The following TBL3 variants were observed in gnomAD, a reference collection of about 807,000 sequenced individuals.
The protein encoded by TBL3 is transducin beta like 3.
A neutral mutation model predicts 102.7 loss-of-function variants in TBL3; 71 were observed. That is an observed-to-expected ratio of 0.69 (90% CI 0.57 to 0.84). The LOEUF (loss-of-function observed/expected upper bound fraction) is 0.84, where lower values mean the gene tolerates loss of function less well. Ranked by LOEUF, TBL3 falls within the 40% of genes least tolerant of loss-of-function variation. TBL3 has a pLI of 0.00. For synonymous variants in TBL3, 578 were observed against 477.7 expected, an observed-to-expected ratio of 1.21 and a Z score of -2.74; for missense variants, 1,188 against 1,098.5, an observed-to-expected ratio of 1.08 and a Z score of -1.15.
In TBL3 at chr16:1,974,413, C is replaced by T. The variant is rs752666409; in HGVS notation, c.227C>T (p.Pro76Leu). The T allele has an allele frequency of 1.9e-6, 3 of 1,610,172 alleles. No homozygotes were observed. The African/African-American group carries it at 4.0e-5, about 22-fold the overall frequency. The change falls in exon 4 of 22, where the codon CCT (proline) becomes CTT (leucine). Residue 76 changes from proline (P) to leucine (L), a missense_variant. Coordinates refer to ENST00000568546, the MANE Select transcript of TBL3 (RefSeq NM_006453.3). Reference sequence around the variant, plus strand: ...GACATCACTGCCTTTGACCTCAGCCCTGACAACGAGGTATGTGGGGCGGGG... The same window carrying T: ...GACATCACTGCCTTTGACCTCAGCCTTGACAACGAGGTATGTGGGGCGGGG... ...QEDITAFDLS[P>L]DNEVLVTASR...
At position 1,979,485 on chromosome 16, in the gene TBL3, A is replaced by T. The variant is rs2083453230; in HGVS notation, c.*800A>T. On this transcript the variant is annotated 3_prime_UTR_variant, in exon 22 of 22. Coordinates refer to ENST00000568546, the MANE Select transcript of TBL3 (RefSeq NM_006453.3). ...CACGCGCACGCGCGCCCCCGCGGGC[A>T]CGGACAGCTCATCTGCGCGGCTGCT... is the stretch of plus-strand genomic sequence containing the variant. 6.2e-7 allele frequency: 1 copy of T among 1,611,858 alleles called. No homozygotes were observed. The highest frequency in any genetic ancestry group is 8.5e-7 in the Non-Finnish European group (1 of 1,179,564).
chr16:1,978,760 C>T lies in TBL3; in HGVS notation c.*75C>T. On this transcript the variant is annotated 3_prime_UTR_variant, in exon 22 of 22. Transcript: ENST00000568546. ...AGGCCGCTCTCCTGGCCGGCTCTGTCTCTCTGGACTGCAGTCCAGCCCCCC... is the reference window on the plus strand; with the variant it reads ...AGGCCGCTCTCCTGGCCGGCTCTGTTTCTCTGGACTGCAGTCCAGCCCCCC... The T allele has an allele frequency of 1.3e-6, 2 of 1,539,598 alleles. No individual in the cohort carries two copies. Among genetic ancestry groups the T allele is most frequent in the South Asian group, 1.2e-5 (1 of 83,076 alleles).
chr16:1,980,104 G>A lies in TBL3; in HGVS notation c.*1419G>A, dbSNP rs1262722917. ...GGGCTGCAGGCAGCGCAGGCTCTGA[G>A]CCTCCAGACTGTGGATGGAGAGGCG... On this transcript the variant is annotated 3_prime_UTR_variant, in exon 22 of 22. Transcript: ENST00000568546. 1.2e-6 allele frequency: 2 copies of A among 1,608,202 alleles called. No individual in the cohort carries two copies. The highest frequency in any genetic ancestry group is 1.7e-6 in the Non-Finnish European group (2 of 1,178,864).
Position 1,981,060 on chromosome 16 carries a change from C to T in TBL3, c.*2375C>T, listed in dbSNP as rs1051919300. On this transcript the variant is annotated 3_prime_UTR_variant, in exon 22 of 22. Coordinates refer to ENST00000568546, the MANE Select transcript of TBL3 (RefSeq NM_006453.3). ...TTGGGAGTGCCGTGGAGGTGCTGGTCCAGGCACCCCCTTCCTATCCCTTGG... is the reference window on the plus strand; with the variant it reads ...TTGGGAGTGCCGTGGAGGTGCTGGTTCAGGCACCCCCTTCCTATCCCTTGG... The T allele has an allele frequency of 7.5e-6, 12 of 1,609,404 alleles. No homozygotes were observed. The highest frequency in any genetic ancestry group is 1.0e-5 in the Non-Finnish European group (12 of 1,176,508).
chr16:1,972,415 G>T (rs1234654978), intron 1 of TBL3, among the ~76,000 whole-genome samples: 2 of 152,230 alleles, frequency 1.3e-5, no homozygotes, highest in African/African-American at 4.8e-5. Flanking sequence ...GAGCCCGGCC[G>T]CCGGGAGCAG....
Position 1,977,436 on chromosome 16 carries a change from C to T in TBL3, c.1742+10C>T, listed in dbSNP as rs778820130. ...CGCAGCTGCTGTCCAGGTGAGTGGGCTGGGGTGGGGCAGCGATGGAGTGGG... is the reference window on the plus strand; with the variant it reads ...CGCAGCTGCTGTCCAGGTGAGTGGGTTGGGGTGGGGCAGCGATGGAGTGGG... On this transcript the variant is annotated intron_variant, in intron 16 of 21. Transcript: ENST00000568546. 1.6e-5 allele frequency: 20 copies of T among 1,216,440 alleles called. No homozygotes were observed. Among genetic ancestry groups the T allele is most frequent in the Non-Finnish European group, 2.3e-5 (20 of 880,498 alleles). 75.4% of individuals were successfully genotyped at this position (1,216,440 alleles called of 1,614,324 possible).
chr16:1,976,786 T>C, intron 13 of TBL3, 28 bp from the exon 14 acceptor site: 2 of 1,611,324 alleles, frequency 1.2e-6, no homozygotes, highest in East Asian at 2.2e-5. Context: ...GGCTCAGCTG[T>C]GTCTCCTCCT....
At position 1,979,642 on chromosome 16, in the gene TBL3, G is replaced by C. The variant is rs746836254; in HGVS notation, c.*957G>C. 6 of 1,293,532 alleles carry C rather than the reference G, an allele frequency of 4.6e-6. No individual in the cohort carries two copies. In the African/African-American group the frequency reaches 8.8e-5, roughly 19 times the overall value. 80.1% of individuals were successfully genotyped at this position (1,293,532 alleles called of 1,614,324 possible). On this transcript the variant is annotated 3_prime_UTR_variant, in exon 22 of 22. Transcript: ENST00000568546. ...TCCTTGCTTGAGTCTGCTGACGGCG[G>C]GGCCGCTCTAAGACCGGTTCGGGGC...
In TBL3 at chr16:1,972,338, C is replaced by G. The variant is rs1313714315; in HGVS notation, c.41+133C>G. ...CTGTGTGTGCGCCGGCCCGCGGGGT[C>G]GCGGAGGCTGCGGTGATACTAGGCG... On this transcript the variant is annotated intron_variant, in intron 1 of 21. Coordinates refer to ENST00000568546, the MANE Select transcript of TBL3 (RefSeq NM_006453.3). 3.9e-5 allele frequency: 40 copies of G among 1,023,396 alleles called. No individual in the cohort carries two copies. The East Asian group carries it at 1.3e-3, about 33-fold the overall frequency. 63.4% of individuals were successfully genotyped at this position (1,023,396 alleles called of 1,614,324 possible). A position where few individuals can be genotyped will look rare whatever the true frequency, so the allele number is the denominator to read the frequency against.
chr16:1,979,686 C>G lies in TBL3; in HGVS notation c.*1001C>G. ...TCGGGGCTTCCTCTAGGTGCGGAGA[C>G]CAAGCACGGGCTCCTGGCCCGCCCT... On this transcript the variant is annotated 3_prime_UTR_variant, in exon 22 of 22. Coordinates refer to ENST00000568546, the MANE Select transcript of TBL3 (RefSeq NM_006453.3). 2 of 1,196,418 alleles carry G rather than the reference C, an allele frequency of 1.7e-6. No individual in the cohort carries two copies. Among genetic ancestry groups the G allele is most frequent in the Non-Finnish European group, 2.3e-6 (2 of 863,590 alleles). 74.1% of individuals were successfully genotyped at this position (1,196,418 alleles called of 1,614,324 possible).
rs766150428 is a variant in TBL3, at chr16:1,975,513, G to A, written c.806-16G>A. ...TGGACCTGAGAGTCTCAGCAGCCCT[G>A]TCCCCACCCACACAGGCACTCTGCG... On this transcript the variant is annotated splice_polypyrimidine_tract_variant and intron_variant, in intron 9 of 21. Transcript: ENST00000568546. The A allele has an allele frequency of 6.3e-7, 1 of 1,598,946 alleles. No individual in the cohort carries two copies. The highest frequency in any genetic ancestry group is 8.5e-7 in the Non-Finnish European group (1 of 1,174,982).
chr16:1,975,011 A>C lies in TBL3; in HGVS notation c.548A>C (p.Gln183Pro), dbSNP rs776734239. The change falls in exon 7 of 22, where the codon CAG becomes CCG. Residue 183 changes from glutamine (Q) to proline (P), a missense_variant. By Grantham distance (76) the Gln-to-Pro change is moderately conservative. Coordinates refer to ENST00000568546, the MANE Select transcript of TBL3 (RefSeq NM_006453.3). Reference sequence around the variant, plus strand: ...GCCGCCATCCGCGTGTGGTCACTGCAGGACCGGTCATGCCTGGCTGTGCTG... The same window carrying C: ...GCCGCCATCCGCGTGTGGTCACTGCCGGACCGGTCATGCCTGGCTGTGCTG... The part of the protein sequence containing the change: ...TDAAIRVWSL[Q>P]DRSCLAVLTA... 5.2e-5 allele frequency: 83 copies of C among 1,607,120 alleles called. No homozygotes were observed. Among genetic ancestry groups the C allele is most frequent in the Non-Finnish European group, 6.8e-5 (80 of 1,179,976 alleles).
Position 1,977,629 on chromosome 16 carries a change from G to A in TBL3, c.1858G>A (p.Ala620Thr), listed in dbSNP as rs779820736. The change falls in exon 17 of 22, where the codon GCC (alanine) becomes ACC (threonine). Residue 620 changes from alanine to threonine, a missense_variant. Transcript: ENST00000568546. ...GLHCSRLDDH[A>T]LTGASDSRVI... ...GCACTGCAGCCGGCTGGACGACCACGCCCTCACTGGGGCCAGTGACTCCCG... is the reference window on the plus strand; with the variant it reads ...GCACTGCAGCCGGCTGGACGACCACACCCTCACTGGGGCCAGTGACTCCCG... 6.8e-5 allele frequency: 106 copies of A among 1,553,644 alleles called. No individual in the cohort carries two copies. Among genetic ancestry groups the A allele is most frequent in the Middle Eastern group, 1.7e-4 (1 of 6,014 alleles).
Position 1,977,910 on chromosome 16 carries a change from G to A in TBL3, c.1959-48G>A, listed in dbSNP as rs574575036. 1.2e-5 allele frequency: 19 copies of A among 1,592,040 alleles called. No homozygotes were observed. In the East Asian group the frequency reaches 3.6e-4, roughly 30 times the overall value. On this transcript the variant is annotated intron_variant, in intron 18 of 21. Coordinates refer to ENST00000568546, the MANE Select transcript of TBL3 (RefSeq NM_006453.3). ...CCTGCTGACTCCGATGGCTCTGCCT[G>A]CAGCCCCAGCCAGCGGCCCTCAGTG... is the stretch of plus-strand genomic sequence containing the variant.
At position 1,979,297 on chromosome 16, in the gene TBL3, G is replaced by GCC; in HGVS notation, c.*614_*615dup. ...CCCGTCCCGCTCAGGAGAGCGCCCA[G>GCC]CCCTTCCGGCCGCAGCAGCACCGCG... On this transcript the variant is annotated 3_prime_UTR_variant, in exon 22 of 22. Transcript: ENST00000568546. 1 of 1,564,382 alleles carries GCC rather than the reference G, an allele frequency of 6.4e-7. No homozygotes were observed. The highest frequency in any genetic ancestry group is 8.6e-7 in the Non-Finnish European group (1 of 1,162,790).
chr16:1,977,473 G>A (rs2083412884), intron 16 of TBL3, 41 bp from the exon 17 acceptor site: 3 of 1,608,542 alleles, frequency 1.9e-6, no homozygotes, highest in South Asian at 1.1e-5. Context: ...GGTGGCGGGG[G>A]GACCTGCCTG....
Position 1,981,198 on chromosome 16 carries a change from G to A in TBL3, c.*2513G>A. 1 of 1,613,398 alleles carries A rather than the reference G, an allele frequency of 6.2e-7. No homozygotes were observed. The highest frequency in any genetic ancestry group is 8.5e-7 in the Non-Finnish European group (1 of 1,179,982). ...CTGCCATGGCTGTGGCTTCCAGGCT[G>A]CAGATTCCTGAAATGGGCGAGGACC... On this transcript the variant is annotated 3_prime_UTR_variant, in exon 22 of 22. Transcript: ENST00000568546.
At position 1,976,875 on chromosome 16, in the gene TBL3, C is replaced by T. The variant is rs2083406087; in HGVS notation, c.1354C>T (p.Pro452Ser). 6.2e-7 allele frequency: 1 copy of T among 1,613,956 alleles called. No homozygotes were observed. Among genetic ancestry groups the T allele is most frequent in the Non-Finnish European group, 8.5e-7 (1 of 1,179,994 alleles). ...CTGCACTGTGAAGCTGTGGCCTCTT[C>T]CCAAAGCCTTGCTGTCCAAGAACAC... The part of the protein sequence containing the change: ...QDCTVKLWPL[P>S]KALLSKNTAP... The change falls in exon 14 of 22, where the codon CCC (proline) becomes TCC (serine). Residue 452 changes from proline (P) to serine (S), a missense_variant. Physicochemically the swap from Pro to Ser is moderately conservative, Grantham distance 74. Transcript: ENST00000568546.
At chr16:1,978,268 T>A (rs1317231186) in intron 20 of TBL3, 45 bp from the exon 21 acceptor site, 1 of 1,611,886 alleles carries the variant, frequency 6.2e-7, no homozygotes, top group South Asian at 1.1e-5. Flanking sequence ...GGGCCAGTCA[T>A]GGCAGATTGG....
Sources: allele counts gnomAD v4.1 joint callset (sites outside exome capture counted in the v4.1 genomes callset), GRCh38; gene constraint gnomAD v4.1.1; transcripts MANE v1.5; gene names NCBI Gene and HGNC (gene_info 2026-07-23, HGNC 2026-07-21).